The following TEK variants were observed in gnomAD, a reference collection of about 807,000 sequenced individuals.
TEK encodes the protein angiopoietin-1 receptor.
TEK carries 43 observed loss-of-function variants against 131.8 expected under a neutral mutation model. That is an observed-to-expected ratio of 0.33 (90% CI 0.26 to 0.42). The LOEUF (loss-of-function observed/expected upper bound fraction) is 0.42, where lower values mean the gene tolerates loss of function less well. Among genes scored for constraint, TEK ranks in the 10% least tolerant of loss-of-function variants. The pLI is 1.00. For missense variants in TEK, 1,162 were observed against 1,384.4 expected, an observed-to-expected ratio of 0.84 and a Z score of 2.55; for synonymous variants, 580 against 491.6, an observed-to-expected ratio of 1.18 and a Z score of -2.38.
chr9:27,137,564 C>CT (rs1291732850), intron 1 of TEK, among the ~76,000 whole-genome samples: 1 of 152,056 alleles, frequency 6.6e-6, no homozygotes, highest in African/African-American at 2.4e-5. Flanking sequence ...AGGCTTTTTA[C>CT]TTTTTGAGTT....
chr9:27,191,134 T>C (rs1347040641), intron 10 of TEK, among the ~76,000 whole-genome samples: 1 of 152,076 alleles, frequency 6.6e-6, no homozygotes, highest in Non-Finnish European at 1.5e-5. Flanking sequence ...CCTTTTCTCA[T>C]TTCATGTCTT....
At chr9:27,211,228 T>G (rs1194844547) in intron 16 of TEK, among the ~76,000 whole-genome samples, 1 of 148,776 alleles carries the variant, frequency 6.7e-6, no homozygotes, top group South Asian at 2.1e-4. Context: ...TATATGAATA[T>G]ATGTGCATAT....
intron 5 of TEK, 64 bp downstream of exon 5, chr9:27,172,811 T>A: frequency 6.2e-7 from 1 of 1,600,808 alleles, no homozygotes; most frequent in Non-Finnish European, 8.5e-7. Context: ...GGATCTAGAA[T>A]TTTAGATCTC....
At chr9:27,145,371 C>T (rs1431045134) in intron 1 of TEK, among the ~76,000 whole-genome samples, 2 of 152,194 alleles carry the variant, frequency 1.3e-5, no homozygotes, top group East Asian at 3.8e-4. Flanking sequence ...GGTAAGCACA[C>T]AGCAGGACAC....
At chr9:27,228,433 G>A in intron 22 of TEK, 128 bp downstream of exon 22, 1 of 751,140 alleles carries the variant, frequency 1.3e-6, no homozygotes, top group Non-Finnish European at 2.3e-6. Flanking sequence ...TAGAAACAAA[G>A]GATGTCCCTC....
In TEK at chr9:27,109,485, G is replaced by C. The variant is rs970128664; in HGVS notation, c.-106G>C. 4.5e-6 allele frequency: 5 copies of C among 1,122,730 alleles called. No individual in the cohort carries two copies. In the Admixed American group the frequency reaches 8.5e-5, roughly 19 times the overall value. The allele number at this position is 1,122,730 out of a possible 1,614,324, so 69.5% of individuals were successfully genotyped here. On this transcript the variant is annotated 5_prime_UTR_variant, in exon 1 of 23. Coordinates refer to ENST00000380036, the MANE Select transcript of TEK (RefSeq NM_000459.5). ...CTTGCCTCTAACTTGTAAACAAGAC[G>C]TAGTAGGACGATGCTAATGGAAAGT...
In TEK at chr9:27,172,752, G is replaced by T. The variant is rs773568497; in HGVS notation, c.760+5G>T. 3.1e-6 allele frequency: 5 copies of T among 1,613,180 alleles called. No homozygotes were observed. The highest frequency in any genetic ancestry group is 4.2e-6 in the Non-Finnish European group (5 of 1,179,452). ...TGGGAAGGACGTGTGAGAAGGGTAAGTAAAGAGACTTGATAAGTAAGCTGT... is the reference window on the plus strand; with the variant it reads ...TGGGAAGGACGTGTGAGAAGGGTAATTAAAGAGACTTGATAAGTAAGCTGT... On this transcript the variant is annotated splice_donor_5th_base_variant and intron_variant, in intron 5 of 22. Coordinates refer to ENST00000380036, the MANE Select transcript of TEK (RefSeq NM_000459.5).
At chr9:27,219,351 G>GCTAGAAACCATCATC (rs1352460998) in intron 20 of TEK, among the ~76,000 whole-genome samples, 1 of 152,142 alleles carries the variant, frequency 6.6e-6, no homozygotes, top group Non-Finnish European at 1.5e-5. Flanking sequence ...CATGGATGAA[G>GCTAGAAACCATCATC]CTAGAAACCA....
intron 1 of TEK, among the ~76,000 whole-genome samples, chr9:27,120,515 A>G (rs1057365719): frequency 1.3e-5 from 2 of 152,246 alleles, no homozygotes; most frequent in Non-Finnish European, 2.9e-5. Flanking sequence ...AGCAAGAGTG[A>G]GGGACTAGTG....
At position 27,202,749 on chromosome 9, in the gene TEK, A is replaced by G. The variant is rs779476830; in HGVS notation, c.1910-71A>G. ...CCTTATATGAGCTGACATGAACTCTATCTCAAAAGCATAATGATCTAGGCC... is the reference window on the plus strand; with the variant it reads ...CCTTATATGAGCTGACATGAACTCTGTCTCAAAAGCATAATGATCTAGGCC... On this transcript the variant is annotated intron_variant, in intron 12 of 22. Transcript: ENST00000380036. 1.5e-3 allele frequency: 2,197 copies of G among 1,509,172 alleles called. 56 individuals carry two copies. The highest frequency in any genetic ancestry group is 3.9e-4 in the Non-Finnish European group (420 of 1,089,364). The allele number at this position is 1,509,172 out of a possible 1,614,324, so 93.5% of individuals were successfully genotyped here. A position where few individuals can be genotyped will look rare whatever the true frequency, so the allele number is the denominator to read the frequency against.
chr9:27,202,636 C>G (rs1158364393), intron 12 of TEK, among the ~76,000 whole-genome samples, 184 bp from the exon 13 acceptor site: 1 of 152,188 alleles, frequency 6.6e-6, no homozygotes, highest in Admixed American at 6.5e-5. Context: ...GTTGCCATTT[C>G]TCTGTCTGTG....
intron 16 of TEK, 116 bp downstream of exon 16, chr9:27,209,347 C>T (rs1825516737): frequency 2.6e-6 from 2 of 780,248 alleles, no homozygotes; most frequent in Admixed American, 2.0e-5. Flanking sequence ...TTTAAAGTTG[C>T]ATCTTCTATC....
chr9:27,218,564 G>T (rs575571145), intron 19 of TEK, among the ~76,000 whole-genome samples: 35 of 152,078 alleles, frequency 2.3e-4, no homozygotes, highest in Non-Finnish European at 3.7e-4. Context: ...GTGATTTGGG[G>T]GCTCTGGCAA....
In TEK at chr9:27,109,559, T is replaced by C; in HGVS notation, c.-32T>C. ...GGATCCTTGGGACCTCATGCACATT[T>C]GTGGAAACTGGATGGAGAGATTTGG... On this transcript the variant is annotated 5_prime_UTR_variant, in exon 1 of 23. Coordinates refer to ENST00000380036, the MANE Select transcript of TEK (RefSeq NM_000459.5). The C allele has an allele frequency of 6.2e-7, 1 of 1,613,794 alleles. No individual in the cohort carries two copies.
At chr9:27,114,824 T>A (rs1414890374) in intron 1 of TEK, among the ~76,000 whole-genome samples, 1 of 152,196 alleles carries the variant, frequency 6.6e-6, no homozygotes, top group South Asian at 2.1e-4. Context: ...GATGAGGTAT[T>A]GTATGATTGT....
intron 18 of TEK, among the ~76,000 whole-genome samples, chr9:27,217,083 C>G (rs370335545): frequency 6.6e-6 from 1 of 152,142 alleles, no homozygotes; most frequent in African/African-American, 2.4e-5. Flanking sequence ...GACCAGGCAT[C>G]GAAAGGATCA....
At chr9:27,183,645 A>C (rs775994991) in intron 8 of TEK, 35 bp downstream of exon 8, 1 of 1,612,952 alleles carries the variant, frequency 6.2e-7, no homozygotes, top group South Asian at 1.1e-5. Context: ...TTCTTAAAGC[A>C]TGAGATGCTT....
At chr9:27,166,440 C>G (rs1823733455) in intron 2 of TEK, among the ~76,000 whole-genome samples, 1 of 152,114 alleles carries the variant, frequency 6.6e-6, no homozygotes. Flanking sequence ...AATTCTGACA[C>G]TTTTTGTTTC....
chr9:27,205,872 A>G (rs1048227182), intron 14 of TEK, among the ~76,000 whole-genome samples: 1 of 152,144 alleles, frequency 6.6e-6, no homozygotes, highest in Non-Finnish European at 1.5e-5. Flanking sequence ...TTTCCCTTCC[A>G]CGGAGGACAA....
Sources: gnomAD v4.1 joint callset for allele counts (sites outside exome capture counted in the v4.1 genomes callset) on GRCh38, gnomAD v4.1.1 for gene constraint, MANE v1.5 for transcripts, NCBI Gene and HGNC (gene_info 2026-07-23, HGNC 2026-07-21) for gene names.